DOCK3: variants seen among roughly 807,000 people sequenced by gnomAD.
DOCK3 encodes dedicator of cytokinesis 3.
A neutral mutation model predicts 265.6 loss-of-function variants in DOCK3; 60 were observed. That is an observed-to-expected ratio of 0.23 (90% CI 0.18 to 0.28). The LOEUF (loss-of-function observed/expected upper bound fraction) is 0.28. DOCK3 is among the 10% of genes least tolerant of loss of function. DOCK3 has a pLI of 1.00. For missense variants in DOCK3, 1,981 were observed against 2,594.3 expected, an observed-to-expected ratio of 0.76 and a Z score of 5.14; for synonymous variants, 881 against 938.0, an observed-to-expected ratio of 0.94 and a Z score of 1.11.
intron 12 of DOCK3, among the ~76,000 whole-genome samples, chr3:51,190,849 G>A (rs2087897244): frequency 6.6e-6 from 1 of 152,194 alleles, no homozygotes; most frequent in Admixed American, 6.5e-5. Context: ...TCCACTTGCA[G>A]GGCAAGCACT....
At chr3:50,743,300 A>G (rs995864995) in intron 1 of DOCK3, among the ~76,000 whole-genome samples, 1 of 152,112 alleles carries the variant, frequency 6.6e-6, no homozygotes, top group Non-Finnish European at 1.5e-5. Context: ...GAGCAAAATA[A>G]CCAGCTAACA....
intron 1 of DOCK3, among the ~76,000 whole-genome samples, chr3:50,759,608 C>T (rs933421118): frequency 3.1e-4 from 46 of 148,772 alleles, no homozygotes; most frequent in African/African-American, 1.1e-3. Context: ...GAAGCCAAGG[C>T]AGGAGGACTG....
chr3:51,211,266 T>C (rs2089483667), intron 13 of DOCK3, among the ~76,000 whole-genome samples: 1 of 152,168 alleles, frequency 6.6e-6, no homozygotes, highest in Non-Finnish European at 1.5e-5. Flanking sequence ...TTTAATCCAA[T>C]AAGAGGTTCA....
At chr3:51,138,802 C>T (rs1322808589) in intron 9 of DOCK3, among the ~76,000 whole-genome samples, 1 of 152,102 alleles carries the variant, frequency 6.6e-6, no homozygotes, top group Non-Finnish European at 1.5e-5. Context: ...AAAATCCCTT[C>T]GAAAGACATA....
At chr3:50,866,273 T>G (rs2047139720) in intron 3 of DOCK3, among the ~76,000 whole-genome samples, 1 of 151,994 alleles carries the variant, frequency 6.6e-6, no homozygotes, top group Non-Finnish European at 1.5e-5. Flanking sequence ...GATCACGAGG[T>G]CAGGAGATTG....
chr3:51,031,645 A>T (rs2080051925), intron 5 of DOCK3, among the ~76,000 whole-genome samples: 1 of 152,208 alleles, frequency 6.6e-6, no homozygotes, highest in African/African-American at 2.4e-5. Context: ...ATAATGCCTC[A>T]TACTAGTTAC....
intron 5 of DOCK3, among the ~76,000 whole-genome samples, chr3:51,009,606 T>C (rs1383941372): frequency 6.6e-6 from 1 of 152,224 alleles, no homozygotes; most frequent in Non-Finnish European, 1.5e-5. Flanking sequence ...GTTTTTTGTA[T>C]CTCTATCTCC....
intron 1 of DOCK3, among the ~76,000 whole-genome samples, chr3:50,697,148 C>G (rs1201142026): frequency 6.6e-6 from 1 of 151,896 alleles, no homozygotes; most frequent in Non-Finnish European, 1.5e-5. Context: ...CCAGGCTGGT[C>G]TCAAATTCCT....
intron 5 of DOCK3, among the ~76,000 whole-genome samples, chr3:50,998,153 A>T (rs1027842945): frequency 6.6e-6 from 1 of 152,230 alleles, no homozygotes; most frequent in Non-Finnish European, 1.5e-5. Context: ...AAACTTAGGT[A>T]ACAAAAATTG....
chr3:50,786,164 G>T (rs1054565201), intron 2 of DOCK3, among the ~76,000 whole-genome samples: 1 of 151,898 alleles, frequency 6.6e-6, no homozygotes. Context: ...CTCTTGTTTT[G>T]TTTCTAATTG....
chr3:50,950,671 C>G (rs757171662), intron 5 of DOCK3, among the ~76,000 whole-genome samples: 19 of 152,170 alleles, frequency 1.2e-4, no homozygotes, highest in Admixed American at 5.2e-4. Flanking sequence ...AGAATTCCAG[C>G]CTTCCAGGGT....
At position 51,312,564 on chromosome 3, in the gene DOCK3, A is replaced by C. The variant is rs371364392; in HGVS notation, c.3182A>C (p.Lys1061Thr). 8.1e-5 allele frequency: 128 copies of C among 1,588,136 alleles called. No individual in the cohort carries two copies. The highest frequency in any genetic ancestry group is 1.1e-4 in the Non-Finnish European group (127 of 1,173,324). ...LEIITSAKRK[K>T]ILDKYGDMRV... ...ATTATCACCTCAGCCAAAAGGAAGAAGATTCTAGATAAGTAAGATAAACGT... is the reference window on the plus strand; with the variant it reads ...ATTATCACCTCAGCCAAAAGGAAGACGATTCTAGATAAGTAAGATAAACGT... Residue 1061 changes from lysine to threonine, a missense_variant, in exon 30 of 53, where the codon AAG becomes ACG. By Grantham distance (78) the Lys-to-Thr change is moderately conservative. This residue lies in a region of DOCK3 where 1,357 missense variants were observed against 1,866.8 expected (regional missense o/e 0.73). Coordinates refer to ENST00000266037, the MANE Select transcript of DOCK3 (RefSeq NM_004947.5).
chr3:51,368,092 A>G (rs1002921940), intron 49 of DOCK3, among the ~76,000 whole-genome samples: 11 of 152,272 alleles, frequency 7.2e-5, no homozygotes, highest in East Asian at 1.9e-4. Flanking sequence ...GTGTTTTCCA[A>G]TTTGGTTCCA....
chr3:51,159,067 T>A (rs2086002675), intron 10 of DOCK3, among the ~76,000 whole-genome samples, 177 bp from the exon 11 acceptor site: 1 of 152,208 alleles, frequency 6.6e-6, no homozygotes, highest in Non-Finnish European at 1.5e-5. Context: ...TCCAAAGCCA[T>A]ATAAGATATC....
chr3:51,210,728 T>C (rs1167479343), intron 13 of DOCK3, among the ~76,000 whole-genome samples: 1 of 152,258 alleles, frequency 6.6e-6, no homozygotes, highest in African/African-American at 2.4e-5. Flanking sequence ...TTATTAAAAA[T>C]TAGTTTACTT....
chr3:50,803,628 C>T (rs1407896295), intron 2 of DOCK3, among the ~76,000 whole-genome samples: 1 of 125,328 alleles, frequency 8.0e-6, no homozygotes, highest in Admixed American at 8.2e-5. Context: ...AGAGGGGCCC[C>T]CCACCTCCCA....
chr3:50,774,749 C>T (rs1193386975), intron 1 of DOCK3, among the ~76,000 whole-genome samples: 2 of 151,878 alleles, frequency 1.3e-5, no homozygotes, highest in East Asian at 1.9e-4. Flanking sequence ...AGTGGCCATC[C>T]TCTTCTTGTT....
intron 12 of DOCK3, among the ~76,000 whole-genome samples, chr3:51,168,875 G>C (rs887407417): frequency 7.2e-5 from 11 of 152,000 alleles, no homozygotes; most frequent in Non-Finnish European, 1.2e-4. Flanking sequence ...CATTGATAAG[G>C]AACTTAAACA....
chr3:50,869,947 A>G (rs1190927756), intron 3 of DOCK3, among the ~76,000 whole-genome samples: 1 of 152,132 alleles, frequency 6.6e-6, no homozygotes, highest in Non-Finnish European at 1.5e-5. Flanking sequence ...TCTTTTTGTT[A>G]TGATTTCTAG....
Sources: allele counts gnomAD v4.1 joint callset (sites outside exome capture counted in the v4.1 genomes callset), GRCh38; gene constraint gnomAD v4.1.1; regional missense constraint gnomAD v4.1.1; transcripts MANE v1.5; gene names NCBI Gene and HGNC (gene_info 2026-07-23, HGNC 2026-07-21).